Variants in FBXO36 observed in about 807,000 individuals in gnomAD.
FBXO36 encodes the protein F-box only protein 36.
In FBXO36, 18 loss-of-function variants were observed where a neutral mutation model predicts 17.0. That is an observed-to-expected ratio of 1.06 (90% CI 0.73 to 1.57). The LOEUF (loss-of-function observed/expected upper bound fraction) is 1.57. Ranked by LOEUF, FBXO36 falls within the 40% of genes most tolerant of loss-of-function variation. FBXO36 has a pLI of 0.00. For synonymous variants in FBXO36, 83 were observed against 85.3 expected, an observed-to-expected ratio of 0.97 and a Z score of 0.15; for missense variants, 229 against 221.9, an observed-to-expected ratio of 1.03 and a Z score of -0.20.
intron 1 of FBXO36, among the ~76,000 whole-genome samples, chr2:229,935,158 G>A (rs1194399087): frequency 3.3e-5 from 5 of 152,164 alleles, no homozygotes; most frequent in African/African-American, 1.2e-4. Context: ...CACTGAATAT[G>A]GTAGAATTTC....
chr2:229,951,260 T>C (rs949664778), intron 1 of FBXO36, among the ~76,000 whole-genome samples: 1 of 146,644 alleles, frequency 6.8e-6, no homozygotes, highest in African/African-American at 2.5e-5. Flanking sequence ...TTCTTTTTTT[T>C]TAGACGGAGT....
At chr2:229,981,720 AAGAAAG>A (rs2077241453) in intron 2 of FBXO36, among the ~76,000 whole-genome samples, 1 of 84,776 alleles carries the variant, frequency 1.2e-5, no homozygotes. Flanking sequence ...AAAAAAAAGA[AAGAAAG>A]AAAAAGGAAA....
At chr2:229,971,690 A>C (rs950454643) in intron 1 of FBXO36, among the ~76,000 whole-genome samples, 1 of 151,906 alleles carries the variant, frequency 6.6e-6, no homozygotes, top group Non-Finnish European at 1.5e-5. Flanking sequence ...TAATTAATTT[A>C]ACTTTTTTTT....
chr2:229,990,718 G>A (rs371889578), intron 2 of FBXO36, among the ~76,000 whole-genome samples: 82 of 152,168 alleles, frequency 5.4e-4, no homozygotes, highest in African/African-American at 1.7e-3. Flanking sequence ...TACCATCATT[G>A]CTGGTTTGCA....
At chr2:229,979,380 T>C (rs1360387966) in intron 2 of FBXO36, among the ~76,000 whole-genome samples, 4 of 152,026 alleles carry the variant, frequency 2.6e-5, no homozygotes, top group African/African-American at 9.6e-5. Context: ...GTGATAGTTT[T>C]GTTTTATGTA....
At position 230,013,102 on chromosome 2, in the gene FBXO36, A is replaced by C. The variant is rs2077424223; in HGVS notation, c.*2218A>C. ...ATAATACAGATTATTAAATTATTTT[A>C]ATACTTACTTGCCATAATAATCTGA... is the stretch of plus-strand genomic sequence containing the variant. On this transcript the variant is annotated 3_prime_UTR_variant, in exon 4 of 4. Transcript: ENST00000283946. 1 of 151,708 alleles carries C rather than the reference A, an allele frequency of 6.6e-6. No individual in the cohort carries two copies. Among genetic ancestry groups the C allele is most frequent in the Non-Finnish European group, 1.5e-5 (1 of 67,900 alleles). 9.4% of individuals were successfully genotyped at this position (151,708 alleles called of 1,614,324 possible).
chr2:229,924,785 T>C (rs1445549878), intron 1 of FBXO36, among the ~76,000 whole-genome samples: 1 of 152,124 alleles, frequency 6.6e-6, no homozygotes, highest in South Asian at 2.1e-4. Flanking sequence ...TTTTTTTTCT[T>C]TGAGGCAGCG....
intron 1 of FBXO36, among the ~76,000 whole-genome samples, chr2:229,924,267 A>G (rs2076891123): frequency 6.6e-6 from 1 of 151,538 alleles, no homozygotes; most frequent in Admixed American, 6.6e-5. Flanking sequence ...TAATTTTTGT[A>G]TTTTTAATAG....
chr2:229,962,078 G>GCCTC (rs2077124294), intron 1 of FBXO36, among the ~76,000 whole-genome samples: 1 of 151,896 alleles, frequency 6.6e-6, no homozygotes, highest in South Asian at 2.1e-4. Context: ...AGCTACCAGG[G>GCCTC]AGGCTGATGC....
chr2:229,938,816 GT>G (rs2076980987), intron 1 of FBXO36, among the ~76,000 whole-genome samples: 1 of 111,042 alleles, frequency 9.0e-6, no homozygotes, highest in African/African-American at 3.4e-5. Context: ...CTGGAGTGCA[GT>G]GGCGCCATCT....
At chr2:229,988,269 A>G (rs2077279238) in intron 2 of FBXO36, among the ~76,000 whole-genome samples, 1 of 152,202 alleles carries the variant, frequency 6.6e-6, no homozygotes, top group Non-Finnish European at 1.5e-5. Context: ...AAATATTTCT[A>G]ACATCTATTA....
At chr2:229,968,867 A>G (rs774540914) in intron 1 of FBXO36, among the ~76,000 whole-genome samples, 3 of 151,138 alleles carry the variant, frequency 2.0e-5, no homozygotes, top group Non-Finnish European at 4.4e-5. Flanking sequence ...ACTGACTCCC[A>G]GGTTCAAGTG....
chr2:229,939,145 C>T, intron 1 of FBXO36: 8 of 787,546 alleles, frequency 1.0e-5, no homozygotes, highest in Non-Finnish European at 1.2e-5. Context: ...CCTCCGGTTC[C>T]CGGGTTCAAG....
chr2:229,930,034 A>C (rs569813729), intron 1 of FBXO36, among the ~76,000 whole-genome samples: 1 of 152,266 alleles, frequency 6.6e-6, no homozygotes, highest in East Asian at 1.9e-4. Context: ...CATCATAGCG[A>C]GATCTCATCT....
intron 1 of FBXO36, among the ~76,000 whole-genome samples, chr2:229,965,346 T>C (rs983558888): frequency 6.6e-6 from 1 of 150,904 alleles, no homozygotes; most frequent in African/African-American, 2.4e-5. Flanking sequence ...TTCTTTTTTT[T>C]TCTTTTTTAT....
chr2:229,972,610 C>A (rs900793639), intron 1 of FBXO36, among the ~76,000 whole-genome samples: 5 of 151,838 alleles, frequency 3.3e-5, no homozygotes, highest in African/African-American at 1.2e-4. Flanking sequence ...TCGGGCAGGG[C>A]ACTTTGGATA....
intron 1 of FBXO36, among the ~76,000 whole-genome samples, chr2:229,943,469 C>T (rs1469394992): frequency 6.6e-6 from 1 of 152,046 alleles, no homozygotes; most frequent in East Asian, 1.9e-4. Context: ...CAGTGTGAAG[C>T]TGAGTCTTTC....
intron 1 of FBXO36, among the ~76,000 whole-genome samples, chr2:229,956,470 T>A (rs1464315078): frequency 6.6e-6 from 1 of 152,194 alleles, no homozygotes; most frequent in African/African-American, 2.4e-5. Context: ...ATTTAGAAGC[T>A]TATATGCTCT....
chr2:229,927,233 G>A (rs1377873397), intron 1 of FBXO36, among the ~76,000 whole-genome samples: 1 of 152,172 alleles, frequency 6.6e-6, no homozygotes, highest in Non-Finnish European at 1.5e-5. Flanking sequence ...TTATAGTGGG[G>A]AGAATGTAGC....
Sources: allele counts gnomAD v4.1 joint callset (sites outside exome capture counted in the v4.1 genomes callset), GRCh38; gene constraint gnomAD v4.1.1; transcripts MANE v1.5; gene names NCBI Gene and HGNC (gene_info 2026-07-23, HGNC 2026-07-21).